The following GRIK4 variants were observed in gnomAD, a reference collection of about 807,000 sequenced individuals.
GRIK4 encodes glutamate receptor ionotropic, kainate 4.
GRIK4 carries 40 observed loss-of-function variants against 104.9 expected under a neutral mutation model. That is an observed-to-expected ratio of 0.38 (90% CI 0.30 to 0.50). The LOEUF (loss-of-function observed/expected upper bound fraction) is 0.50, where lower values mean the gene tolerates loss of function less well. Among genes scored for constraint, GRIK4 ranks in the 20% least tolerant of loss-of-function variants. The pLI is 0.93. For missense variants in GRIK4, 1,047 were observed against 1,308.1 expected (o/e 0.80, Z 3.08); for synonymous variants, 485 against 524.9 (o/e 0.92, Z 1.04).
intron 11 of GRIK4, among the ~76,000 whole-genome samples, chr11:120,886,387 A>G (rs1955120106): frequency 1.3e-5 from 2 of 152,180 alleles, no homozygotes; most frequent in Admixed American, 6.5e-5. Context: ...GTTCCTACCT[A>G]CAAGAACCAG....
At position 120,862,049 on chromosome 11, in the gene GRIK4, C is replaced by T. The variant is rs1161511898; in HGVS notation, c.835C>T (p.Gln279Ter). 6.2e-7 allele frequency: 1 copy of T among 1,613,914 alleles called. No homozygotes were observed. Among genetic ancestry groups the T allele is most frequent in the Non-Finnish European group, 8.5e-7 (1 of 1,179,896 alleles). The change falls in exon 9 of 21, where the codon CAA (glutamine) becomes TAA (stop). Residue 279 changes from glutamine to a stop codon, truncating the protein, a stop_gained. Coordinates refer to ENST00000527524, the MANE Select transcript of GRIK4 (RefSeq NM_014619.5). LOFTEE classifies it high-confidence loss of function. ...SIFNQSHAFF[Q>*]EFAQSLNQSW... is the part of the protein sequence containing the mutation. ...TTTCAACCAATCCCATGCTTTCTTCCAAGAGTTTGCCCAGAGCCTCAACCA... is the reference window on the plus strand; with the variant it reads ...TTTCAACCAATCCCATGCTTTCTTCTAAGAGTTTGCCCAGAGCCTCAACCA...
intron 8 of GRIK4, among the ~76,000 whole-genome samples, chr11:120,861,382 AT>A: frequency 6.6e-6 from 1 of 152,150 alleles, no homozygotes; most frequent in South Asian, 2.1e-4. Context: ...TGCTGGGATT[AT>A]GAGCGTGAGC....
At chr11:120,757,090 C>G (rs974142051) in intron 3 of GRIK4, among the ~76,000 whole-genome samples, 1 of 152,242 alleles carries the variant, frequency 6.6e-6, no homozygotes, top group African/African-American at 2.4e-5. Flanking sequence ...TGCCTCCTCA[C>G]TGAGCAGGGT....
chr11:120,816,597 C>G (rs1201770153), intron 5 of GRIK4, among the ~76,000 whole-genome samples: 1 of 152,098 alleles, frequency 6.6e-6, no homozygotes, highest in Non-Finnish European at 1.5e-5. Context: ...ACAGACAGTC[C>G]TCTGCCCACC....
At chr11:120,570,764 T>C (rs752919849) in intron 1 of GRIK4, among the ~76,000 whole-genome samples, 3 of 152,234 alleles carry the variant, frequency 2.0e-5, no homozygotes, top group Non-Finnish European at 4.4e-5. Context: ...ATTTTCTGTT[T>C]ATGGTAATGA....
At chr11:120,536,667 G>C (rs957611999) in intron 1 of GRIK4, among the ~76,000 whole-genome samples, 2 of 152,188 alleles carry the variant, frequency 1.3e-5, no homozygotes, top group East Asian at 1.9e-4. Context: ...GATGGCTCAG[G>C]TGAGGAGGGA....
chr11:120,714,198 G>A lies in GRIK4; in HGVS notation c.82+53798G>A, dbSNP rs577220780. On this transcript the variant is annotated intron_variant, in intron 3 of 20. Transcript: ENST00000527524. Reference sequence around the variant, plus strand: ...TATGCTCTCCCAGCCTTTCAATAGCGGTGACTTTAATAATGTCGGGAATTC... The same window carrying A: ...TATGCTCTCCCAGCCTTTCAATAGCAGTGACTTTAATAATGTCGGGAATTC... 4.2e-4 allele frequency among the ~76,000 whole-genome samples: 64 copies of A among 152,288 alleles called. 1 individual carries two copies. Among genetic ancestry groups the A allele is most frequent in the African/African-American group, 1.3e-3 (53 of 41,558 alleles).
intron 3 of GRIK4, among the ~76,000 whole-genome samples, chr11:120,742,417 A>G (rs1164242248): frequency 2.0e-5 from 3 of 151,842 alleles, no homozygotes; most frequent in African/African-American, 7.3e-5. Context: ...GCCAACAAGC[A>G]TATGAAAAAA....
chr11:120,890,910 A>T (rs748852598), intron 11 of GRIK4, among the ~76,000 whole-genome samples: 3 of 152,236 alleles, frequency 2.0e-5, no homozygotes, highest in Non-Finnish European at 4.4e-5. Flanking sequence ...AAGAAGCTGG[A>T]TCCTGGCACT....
chr11:120,927,783 A>T (rs1379653554), intron 13 of GRIK4, among the ~76,000 whole-genome samples: 1 of 152,172 alleles, frequency 6.6e-6, no homozygotes, highest in African/African-American at 2.4e-5. Flanking sequence ...GTAAAGAGGC[A>T]CAGATACCAC....
At chr11:120,758,932 C>G (rs1951698322) in intron 3 of GRIK4, among the ~76,000 whole-genome samples, 1 of 152,104 alleles carries the variant, frequency 6.6e-6, no homozygotes, top group Admixed American at 6.5e-5. Context: ...CAGTAGAGAA[C>G]AAGACAAGCA....
intron 1 of GRIK4, among the ~76,000 whole-genome samples, chr11:120,632,346 C>CT (rs1949342435): frequency 6.6e-6 from 1 of 152,158 alleles, no homozygotes; most frequent in Admixed American, 6.5e-5. Flanking sequence ...CCACCTCAAA[C>CT]TACGACATCC....
intron 1 of GRIK4, among the ~76,000 whole-genome samples, chr11:120,589,546 T>G (rs1948710501): frequency 6.6e-6 from 1 of 152,160 alleles, no homozygotes; most frequent in South Asian, 2.1e-4. Context: ...TTGAATTAGA[T>G]GCAACTCCTG....
At chr11:120,521,545 T>C (rs1947797110) in intron 1 of GRIK4, among the ~76,000 whole-genome samples, 1 of 152,084 alleles carries the variant, frequency 6.6e-6, no homozygotes, top group Non-Finnish European at 1.5e-5. Flanking sequence ...AGCCACATAG[T>C]TATTTGATTG....
rs113881021 is a variant in GRIK4 at position 120,973,852 on chromosome 11, G to A, written c.2395+6529G>A. Among the ~76,000 whole-genome samples the A allele has an allele frequency of 4.8e-3, 731 of 152,150 alleles. 3 individuals carry two copies. Among genetic ancestry groups the A allele is most frequent in the Non-Finnish European group, 6.6e-3 (449 of 68,010 alleles). ...TCAAACTTACTATGGTATATAATTCGTTGTTCAAGGGATTTGGAAAAACAC... is the reference window on the plus strand; with the variant it reads ...TCAAACTTACTATGGTATATAATTCATTGTTCAAGGGATTTGGAAAAACAC... On this transcript the variant is annotated intron_variant, in intron 19 of 20. Transcript: ENST00000527524.
At chr11:120,957,591 ATG>A (rs72064502) in intron 16 of GRIK4, among the ~76,000 whole-genome samples, 39,141 of 136,458 alleles carry the variant, frequency 0.29, 6,272 homozygotes, top group Admixed American at 0.4. Flanking sequence ...GACAAAACAA[ATG>A]TGTGTGTGTG....
At chr11:120,519,868 T>TC (rs1947774672) in intron 1 of GRIK4, among the ~76,000 whole-genome samples, 1 of 113,040 alleles carries the variant, frequency 8.8e-6, no homozygotes, top group Admixed American at 9.1e-5. Context: ...ACTACTGGTT[T>TC]TTTTTTTTTT....
chr11:120,556,600 G>C (rs868573212), intron 1 of GRIK4, among the ~76,000 whole-genome samples: 1 of 151,792 alleles, frequency 6.6e-6, no homozygotes, highest in Admixed American at 6.6e-5. Context: ...GTTTCCTTTC[G>C]GCCCACCTGA....
At chr11:120,769,332 G>T (rs1204502562) in intron 3 of GRIK4, among the ~76,000 whole-genome samples, 7 of 151,934 alleles carry the variant, frequency 4.6e-5, no homozygotes, top group African/African-American at 1.7e-4. Context: ...AAAAATAATT[G>T]TTCAAATTGT....
Sources: allele counts gnomAD v4.1 joint callset (sites outside exome capture counted in the v4.1 genomes callset), GRCh38; gene constraint gnomAD v4.1.1; transcripts MANE v1.5; gene names NCBI Gene and HGNC (gene_info 2026-07-23, HGNC 2026-07-21).